TBCD: variants seen among roughly 807,000 people sequenced by gnomAD.
TBCD encodes tubulin-specific chaperone D.
A neutral mutation model predicts 169.3 loss-of-function variants in TBCD; 105 were observed. The ratio of observed to expected loss-of-function variants is 0.62; its 90% CI spans 0.53 to 0.73. TBCD has a LOEUF of 0.73. TBCD is among the 30% of genes least tolerant of loss of function. The pLI is 0.00. For synonymous variants in TBCD, 700 were observed against 643.9 expected (o/e 1.09, Z -1.32); for missense variants, 1,444 against 1,600.1 (o/e 0.90, Z 1.66).
At chr17:82,838,319 C>T (rs759556464) in intron 13 of TBCD, among the ~76,000 whole-genome samples, 13 of 144,282 alleles carry the variant, frequency 9.0e-5, no homozygotes, top group Non-Finnish European at 1.4e-4. Flanking sequence ...GAAAAATAGA[C>T]AAGAGAAAGA....
chr17:82,886,828 CCCGGCTACTTTTTGTATTTTTAGTAGAG>C (rs757449057), intron 15 of TBCD, among the ~76,000 whole-genome samples: 27 of 150,674 alleles, frequency 1.8e-4, no homozygotes, highest in Non-Finnish European at 3.4e-4. Flanking sequence ...CACCACCATG[CCCGGCTACTTTTTGTATTTTTAGTAGAG>C]ACGGGGTTTC....
At chr17:82,929,025 G>A (rs1168605358) in intron 30 of TBCD, 88 bp from the exon 31 acceptor site, 3 of 1,507,028 alleles carry the variant, frequency 2.0e-6, no homozygotes, top group African/African-American at 2.8e-5. Context: ...TTGGGCTGGA[G>A]TCACGGCTCG....
chr17:82,857,773 A>ATTTTTTTTTTTT (rs1025136133), intron 13 of TBCD, among the ~76,000 whole-genome samples: 1 of 142,354 alleles, frequency 7.0e-6, no homozygotes, highest in African/African-American at 2.6e-5. Flanking sequence ...ATTTAATTTA[A>ATTTTTTTTTTTT]TTTTTTTTTC....
intron 15 of TBCD, among the ~76,000 whole-genome samples, chr17:82,887,419 T>C (rs2058833676): frequency 1.3e-5 from 2 of 152,168 alleles, no homozygotes; most frequent in Non-Finnish European, 2.9e-5. Flanking sequence ...CCTCTAATGC[T>C]GTAGCTTTCT....
At chr17:82,775,682 G>A (rs1490571166) in intron 6 of TBCD, among the ~76,000 whole-genome samples, 1 of 143,760 alleles carries the variant, frequency 7.0e-6, no homozygotes, top group Non-Finnish European at 1.5e-5. Context: ...AGAACATGCA[G>A]ATTGAGTGCT....
rs1247247061 is a variant in TBCD at position 82,897,454 on chromosome 17, G to A, written c.1650-3197G>A. 2.7e-5 allele frequency among the ~76,000 whole-genome samples: 4 copies of A among 148,182 alleles called. 1 individual carries two copies. Among genetic ancestry groups the A allele is most frequent in the Middle Eastern group, 6.9e-3 (2 of 288 alleles). On this transcript the variant is annotated intron_variant, in intron 17 of 38. Coordinates refer to ENST00000355528, the MANE Select transcript of TBCD (RefSeq NM_005993.5). ...AATCACTTGATCCCGGGAGGCGGAG[G>A]TTACAGTGAGCCGAAATCGCGCCAC... is the stretch of plus-strand genomic sequence containing the variant.
intron 7 of TBCD, chr17:82,795,684 C>A: frequency 1.2e-6 from 1 of 853,032 alleles, no homozygotes; most frequent in Non-Finnish European, 1.4e-6. Flanking sequence ...CAGCCGCACT[C>A]TTGCGTGGAT....
At position 82,942,492 on chromosome 17, in the gene TBCD, C is replaced by T; in HGVS notation, c.*29C>T. ...CAGTCCTGGAGCCCATACCTCACCCCTGCCTGGTGAGGATGTCTTGTTCCT... is the reference window on the plus strand; with the variant it reads ...CAGTCCTGGAGCCCATACCTCACCCTTGCCTGGTGAGGATGTCTTGTTCCT... On this transcript the variant is annotated 3_prime_UTR_variant, in exon 39 of 39. Coordinates refer to ENST00000355528, the MANE Select transcript of TBCD (RefSeq NM_005993.5). 1 of 1,613,874 alleles carries T rather than the reference C, an allele frequency of 6.2e-7. No individual in the cohort carries two copies. Among genetic ancestry groups the T allele is most frequent in the Non-Finnish European group, 8.5e-7 (1 of 1,179,784 alleles).
chr17:82,784,270 C>T (rs192594225), intron 7 of TBCD, among the ~76,000 whole-genome samples: 3 of 152,094 alleles, frequency 2.0e-5, no homozygotes, highest in African/African-American at 7.2e-5. Flanking sequence ...GGTGGCATAC[C>T]TGTCGTACTG....
Position 82,807,675 on chromosome 17 carries a change from G to A in TBCD, c.1148+7G>A. Reference sequence around the variant, plus strand: ...GGTGGTCTGCAGCCAAGGGGTAGGTGTCTGTGGCCGCAGAAGCACCCCGGG... The same window carrying A: ...GGTGGTCTGCAGCCAAGGGGTAGGTATCTGTGGCCGCAGAAGCACCCCGGG... On this transcript the variant is annotated splice_region_variant and intron_variant, in intron 11 of 38. Transcript: ENST00000355528. 1 of 1,490,686 alleles carries A rather than the reference G, an allele frequency of 6.7e-7. No homozygotes were observed. The highest frequency in any genetic ancestry group is 9.0e-7 in the Non-Finnish European group (1 of 1,114,914). 92.3% of individuals were successfully genotyped at this position (1,490,686 alleles called of 1,614,324 possible). A position where few individuals can be genotyped will look rare whatever the true frequency, so the allele number is the denominator to read the frequency against.
intron 13 of TBCD, among the ~76,000 whole-genome samples, chr17:82,849,234 A>G (rs1212093801): frequency 6.4e-5 from 7 of 110,000 alleles, no homozygotes; most frequent in East Asian, 2.8e-4. Context: ...CTCCACCTCA[A>G]TGTCCCCCGC....
chr17:82,891,990 A>G (rs2059172894), intron 16 of TBCD, among the ~76,000 whole-genome samples: 1 of 152,042 alleles, frequency 6.6e-6, no homozygotes, highest in Non-Finnish European at 1.5e-5. Context: ...CCCCGACACC[A>G]TCAGGCCCTT....
Position 82,831,324 on chromosome 17 carries a change from G to A in TBCD, c.1318+16390G>A, listed in dbSNP as rs371946502. The A allele has an allele frequency of 8.7e-6, 14 of 1,613,926 alleles. No homozygotes were observed. The highest frequency in any genetic ancestry group is 1.1e-5 in the South Asian group (1 of 91,074). On this transcript the variant is annotated intron_variant, in intron 13 of 38. Coordinates refer to ENST00000355528, the MANE Select transcript of TBCD (RefSeq NM_005993.5). The surrounding 1 kb of genome is among the most constrained non-coding windows in gnomAD (Gnocchi z 4.6). ...CTTTAGCCTCAGGAATTGGACTTTC[G>A]AACTCGACGTGTTTTCTGTTGGGGT...
At chr17:82,758,101 G>T (rs1416341341) in intron 2 of TBCD, among the ~76,000 whole-genome samples, 1 of 151,954 alleles carries the variant, frequency 6.6e-6, no homozygotes, top group East Asian at 1.9e-4. Flanking sequence ...TGCAAAAACT[G>T]TTTTTCGCCG....
intron 12 of TBCD, among the ~76,000 whole-genome samples, chr17:82,810,706 G>A (rs1410906566): frequency 6.6e-6 from 1 of 152,244 alleles, no homozygotes; most frequent in Non-Finnish European, 1.5e-5. Context: ...CAGAAGCGGA[G>A]GGTCGAGAGC....
Position 82,884,267 on chromosome 17 carries a change from C to A in TBCD, c.1533+65C>A. 1 of 1,440,148 alleles carries A rather than the reference C, an allele frequency of 6.9e-7. No individual in the cohort carries two copies. Among genetic ancestry groups the A allele is most frequent in the Non-Finnish European group, 9.6e-7 (1 of 1,045,598 alleles). The allele number at this position is 1,440,148 out of a possible 1,614,324, so 89.2% of individuals were successfully genotyped here. On this transcript the variant is annotated intron_variant, in intron 15 of 38. Coordinates refer to ENST00000355528, the MANE Select transcript of TBCD (RefSeq NM_005993.5). This position sits in a 1 kb window ranked among gnomAD's most constrained non-coding sequence, Gnocchi z 4.2. ...GGGGGTGGGCCTGGTCTCCCTGATG[C>A]TCCTCTGTGCACTGCTGCCTGGCCA...
In TBCD at chr17:82,831,288, C is replaced by G. The variant is rs761985045; in HGVS notation, c.1318+16354C>G. The stretch of plus-strand genomic sequence containing the variant: ...ACCCTTCCGTGTCTCTCTGCCCAGC[C>G]TTGGAGGAGTCTTTAGCCTCAGGAA... On this transcript the variant is annotated intron_variant, in intron 13 of 38. Coordinates refer to ENST00000355528, the MANE Select transcript of TBCD (RefSeq NM_005993.5). The surrounding 1 kb of genome is among the most constrained non-coding windows in gnomAD (Gnocchi z 4.6). The G allele has an allele frequency of 6.2e-7, 1 of 1,613,810 alleles. No individual in the cohort carries two copies. The highest frequency in any genetic ancestry group is 1.7e-5 in the Admixed American group (1 of 60,010).
chr17:82,784,063 T>G (rs1279212107), intron 7 of TBCD, among the ~76,000 whole-genome samples: 2 of 151,234 alleles, frequency 1.3e-5, no homozygotes, highest in Non-Finnish European at 2.9e-5. Context: ...AGGCGGAGGT[T>G]GAGTGAGCCG....
At chr17:82,856,887 G>A (rs1208752398) in intron 13 of TBCD, among the ~76,000 whole-genome samples, 1 of 144,888 alleles carries the variant, frequency 6.9e-6, no homozygotes, top group East Asian at 2.1e-4. Flanking sequence ...CCCTCGCTGC[G>A]CATCCAGGGC....
Sources: allele counts gnomAD v4.1 joint callset (sites outside exome capture counted in the v4.1 genomes callset), GRCh38; gene constraint gnomAD v4.1.1; non-coding constraint Gnocchi (gnomAD v3.1); transcripts MANE v1.5; gene names NCBI Gene and HGNC (gene_info 2026-07-23, HGNC 2026-07-21).